The following LAMB4 variants were observed in gnomAD, a reference collection of about 807,000 sequenced individuals.
The protein encoded by LAMB4 is laminin subunit beta 4.
In LAMB4, 196 loss-of-function variants were observed where a neutral mutation model predicts 199.2. That is an observed-to-expected ratio of 0.98 (90% CI 0.88 to 1.11). The LOEUF (loss-of-function observed/expected upper bound fraction) is 1.11. Among genes scored for constraint, LAMB4 ranks in the 50% least tolerant of loss-of-function variants. The pLI, the probability that LAMB4 is intolerant of heterozygous loss-of-function variation, is 0.00. For synonymous variants in LAMB4, 744 were observed against 770.6 expected, an observed-to-expected ratio of 0.97 and a Z score of 0.57; for missense variants, 2,080 against 2,171.2, an observed-to-expected ratio of 0.96 and a Z score of 0.83.
rs756618648 is a variant in LAMB4, at chr7:108,106,502, T to C, written c.655+7A>G. ...AGCTGATATGAAAAATATAAAGGAA[T>C]TCATACCTTGGATGTAGGGGCTATA... On this transcript the variant is annotated splice_region_variant and intron_variant, in intron 7 of 33. Transcript: ENST00000388781. 6.6e-7 allele frequency: 1 copy of C among 1,517,816 alleles called. No homozygotes were observed. The highest frequency in any genetic ancestry group is 9.0e-7 in the Non-Finnish European group (1 of 1,105,494). 94.0% of individuals were successfully genotyped at this position (1,517,816 alleles called of 1,614,324 possible). A position where few individuals can be genotyped will look rare whatever the true frequency, so the allele number is the denominator to read the frequency against.
chr7:108,028,920 TTCTC>T, intron 33 of LAMB4, 119 bp downstream of exon 33: 1 of 884,252 alleles, frequency 1.1e-6, no homozygotes, highest in South Asian at 1.8e-5. Context: ...CAATTTCTAC[TTCTC>T]TCTCCTCAGT....
chr7:108,053,297 G>T (rs1241272923), intron 25 of LAMB4, among the ~76,000 whole-genome samples: 2 of 152,168 alleles, frequency 1.3e-5, no homozygotes, highest in African/African-American at 4.8e-5. Flanking sequence ...TTTAAACCGG[G>T]TAGTTTGACT....
Position 108,069,835 on chromosome 7 carries a change from CT to C in LAMB4, c.2174del (p.Gln725ArgfsTer3), listed in dbSNP as rs1563064676. ...TGTGAAGCTGATACTCATCTAAGTC[CT>C]GCTTGCTGCAGAAATTCTCCAATGA... is the stretch of plus-strand genomic sequence containing the variant. ...INSLENFCSK[Q>X]DLDEYQLHNC... is the part of the protein sequence containing the mutation. On this transcript the variant is annotated frameshift_variant, in exon 18 of 34. Transcript: ENST00000388781. LOFTEE classifies it high-confidence loss of function. The C allele has an allele frequency of 1.2e-6, 2 of 1,613,904 alleles. No homozygotes were observed. Among genetic ancestry groups the C allele is most frequent in the Non-Finnish European group, 1.7e-6 (2 of 1,179,820 alleles).
chr7:108,125,344 C>T (rs1334441234), intron 1 of LAMB4, among the ~76,000 whole-genome samples: 1 of 152,224 alleles, frequency 6.6e-6, no homozygotes, highest in Non-Finnish European at 1.5e-5. Flanking sequence ...AATCCTGATG[C>T]TGTCCTGTAT....
intron 30 of LAMB4, among the ~76,000 whole-genome samples, chr7:108,035,546 G>GAAAA (rs71137604): frequency 9.3e-6 from 1 of 108,002 alleles, no homozygotes. Context: ...TGTCTCAAAA[G>GAAAA]AAAAAAAAAA....
At chr7:108,060,668 A>G (rs1447271843) in intron 23 of LAMB4, among the ~76,000 whole-genome samples, 2 of 152,210 alleles carry the variant, frequency 1.3e-5, no homozygotes, top group South Asian at 2.1e-4. Flanking sequence ...TCTTCTAGTG[A>G]CCAAAGCTGG....
chr7:108,048,732 G>A (rs545581404), intron 27 of LAMB4, among the ~76,000 whole-genome samples: 13 of 151,866 alleles, frequency 8.6e-5, no homozygotes, highest in African/African-American at 2.9e-4. Flanking sequence ...TCGCTCTCTC[G>A]CCCAGGCTGG....
chr7:108,028,341 T>C (rs1174851873), intron 33 of LAMB4, among the ~76,000 whole-genome samples: 1 of 152,176 alleles, frequency 6.6e-6, no homozygotes, highest in South Asian at 2.1e-4. Flanking sequence ...AGTTGCCTTG[T>C]GCATTGTGGG....
At chr7:108,053,821 A>G (rs1346742823) in intron 25 of LAMB4, among the ~76,000 whole-genome samples, 1 of 152,218 alleles carries the variant, frequency 6.6e-6, no homozygotes, top group East Asian at 1.9e-4. Context: ...TCTAACCACA[A>G]GCTTGTGGTC....
At chr7:108,055,586 G>A (rs772896972) in intron 25 of LAMB4, 46 bp downstream of exon 25, 22 of 1,561,210 alleles carry the variant, frequency 1.4e-5, no homozygotes, top group Non-Finnish European at 1.6e-5. Flanking sequence ...TGGGAGTTAA[G>A]GTAAATCAGG....
At chr7:108,034,076 C>T in intron 31 of LAMB4, 132 bp downstream of exon 31, 1 of 899,922 alleles carries the variant, frequency 1.1e-6, no homozygotes, top group Non-Finnish European at 1.8e-6. Context: ...ATAATACTAC[C>T]CAAATCTTAT....
Position 108,062,918 on chromosome 7 carries a change from G to A in LAMB4, c.3138C>T (p.Val1046=). ...TCGGCAGACAAGGACATGCACCAGT[G>A]ACAGGGTCACAGAGGCAAGCTCCCC... ...PGGGACLCDP[V]TGACPCLPNV... is the part of the protein sequence containing the mutation. The change falls in exon 23 of 34, where the codon GTC becomes GTT. Residue 1046 remains valine (V), a synonymous_variant. Transcript: ENST00000388781. 6.2e-7 allele frequency: 1 copy of A among 1,608,916 alleles called. No individual in the cohort carries two copies. The highest frequency in any genetic ancestry group is 8.5e-7 in the Non-Finnish European group (1 of 1,177,970).
At chr7:108,018,348 A>G in the LAMB4 span, among the ~76,000 whole-genome samples, 22 of 152,314 alleles carry the variant, frequency 1.4e-4, no homozygotes, top group Non-Finnish European at 2.2e-4. Flanking sequence ...GAGACTGGAC[A>G]TGGAGGAGCG....
chr7:108,047,811 CT>C (rs2035681580), intron 28 of LAMB4, 96 bp downstream of exon 28: 2 of 939,386 alleles, frequency 2.1e-6, no homozygotes, highest in Admixed American at 3.8e-5. Context: ...TAGAATCTAT[CT>C]TCTCACTTGG....
chr7:108,098,294 C>T, intron 11 of LAMB4, 109 bp downstream of exon 11: 1 of 607,704 alleles, frequency 1.6e-6, no homozygotes, highest in Non-Finnish European at 2.3e-6. Context: ...GATTTTGCCA[C>T]TGTACTCCAG....
downstream of LAMB4, among the ~76,000 whole-genome samples, chr7:108,019,098 C>T (rs2034639473): frequency 6.6e-6 from 1 of 152,162 alleles, no homozygotes; most frequent in Non-Finnish European, 1.5e-5. Context: ...AATATCCACA[C>T]ACTTAGTGGC....
chr7:108,055,799 T>G lies in LAMB4; in HGVS notation c.3588A>C (p.Leu1196Phe). Residue 1196 changes from leucine to phenylalanine, a missense_variant, in exon 25 of 34, where the codon TTA becomes TTC. Leu to Phe is a conservative substitution (Grantham distance 22, BLOSUM62 0). Transcript: ENST00000388781. The stretch of plus-strand genomic sequence containing the variant: ...CTTCCATGTTAGCAGCCAGTCTCAT[T>G]AACCCTTGCACCGCTTTGGAGAGGG... ...ISSLSKAVQG[L>F]MRLAANMEDK... 1 of 1,614,220 alleles carries G rather than the reference T, an allele frequency of 6.2e-7. No homozygotes were observed. Among genetic ancestry groups the G allele is most frequent in the Non-Finnish European group, 8.5e-7 (1 of 1,180,024 alleles).
At chr7:108,099,846 C>T (rs1036355720) in intron 10 of LAMB4, among the ~76,000 whole-genome samples, 8 of 152,142 alleles carry the variant, frequency 5.3e-5, no homozygotes, top group East Asian at 1.9e-4. Context: ...GGTGTTTGCT[C>T]TCTGACACAA....
intron 29 of LAMB4, among the ~76,000 whole-genome samples, chr7:108,043,545 G>GTTTTTTTTTTTTTTTTTTT (rs748169558): frequency 1.8e-5 from 1 of 55,982 alleles, no homozygotes; most frequent in Non-Finnish European, 2.9e-5. Flanking sequence ...TGGCTATGAT[G>GTTTTTTTTTTTTTTTTTTT]TTTTTTTTTT....
Sources: gnomAD v4.1 joint callset for allele counts (sites outside exome capture counted in the v4.1 genomes callset) on GRCh38, gnomAD v4.1.1 for gene constraint, MANE v1.5 for transcripts, NCBI Gene and HGNC (gene_info 2026-07-23, HGNC 2026-07-21) for gene names.